The following ARHGAP42 variants were observed in gnomAD, a reference collection of about 807,000 sequenced individuals.
The protein encoded by ARHGAP42 is rho GTPase-activating protein 42.
ARHGAP42 carries 63 observed loss-of-function variants against 125.0 expected under a neutral mutation model. The ratio of observed to expected loss-of-function variants is 0.50; its 90% CI spans 0.41 to 0.62. The LOEUF is 0.62. Among genes scored for constraint, ARHGAP42 ranks in the 20% least tolerant of loss-of-function variants. The pLI, the probability that ARHGAP42 is intolerant of heterozygous loss-of-function variation, is 0.00. For missense variants in ARHGAP42, 766 were observed against 1,024.2 expected, an observed-to-expected ratio of 0.75 and a Z score of 3.44; for synonymous variants, 339 against 351.0, an observed-to-expected ratio of 0.97 and a Z score of 0.38.
At chr11:100,756,551 A>G (rs954704953) in intron 1 of ARHGAP42, among the ~76,000 whole-genome samples, 1 of 152,220 alleles carries the variant, frequency 6.6e-6, no homozygotes, top group African/African-American at 2.4e-5. Context: ...TGAAAACGGC[A>G]TATACATTTG....
rs1458832042 is a variant in ARHGAP42 at position 100,850,847 on chromosome 11, A to G, written c.313-8707A>G. 5.3e-5 allele frequency among the ~76,000 whole-genome samples: 8 copies of G among 150,912 alleles called. No individual in the cohort carries two copies. The East Asian group carries it at 1.5e-3, about 29-fold the overall frequency. Reference sequence around the variant, plus strand: ...GCACTGGTGACAGTTTTAGCTTCACAAGTCTATCTGGGAGATAGTAGCTTT... The same window carrying G: ...GCACTGGTGACAGTTTTAGCTTCACGAGTCTATCTGGGAGATAGTAGCTTT... On this transcript the variant is annotated intron_variant, in intron 3 of 23. Transcript: ENST00000298815.
At chr11:100,875,299 A>G (rs896135816) in intron 4 of ARHGAP42, among the ~76,000 whole-genome samples, 1 of 151,414 alleles carries the variant, frequency 6.6e-6, no homozygotes, top group South Asian at 2.1e-4. Flanking sequence ...AACGTACTGG[A>G]GTTAGTAACC....
chr11:100,733,645 G>A (rs1301769394), intron 1 of ARHGAP42, among the ~76,000 whole-genome samples: 1 of 151,798 alleles, frequency 6.6e-6, no homozygotes, highest in African/African-American at 2.4e-5. Flanking sequence ...CCAACATGGT[G>A]AAACCCCCAT....
intron 4 of ARHGAP42, among the ~76,000 whole-genome samples, chr11:100,875,105 C>CTG (rs1156397852): frequency 3.9e-4 from 19 of 49,292 alleles, no homozygotes; most frequent in African/African-American, 5.6e-4. Flanking sequence ...CTCTCTCTCT[C>CTG]TCTGTGTGTG....
intron 2 of ARHGAP42, among the ~76,000 whole-genome samples, chr11:100,790,665 A>T (rs943080940): frequency 7.9e-5 from 12 of 152,332 alleles, no homozygotes; most frequent in African/African-American, 2.9e-4. Context: ...TGTAGAGCAA[A>T]TAGATTGTGG....
At chr11:100,892,710 T>C (rs991630374) in intron 4 of ARHGAP42, among the ~76,000 whole-genome samples, 5 of 152,172 alleles carry the variant, frequency 3.3e-5, no homozygotes, top group African/African-American at 1.2e-4. Flanking sequence ...ATACATTAGC[T>C]ATTGAGTGCT....
In ARHGAP42 at chr11:100,836,382, T is replaced by C. The variant is rs992592426; in HGVS notation, c.313-23172T>C. 4.6e-5 allele frequency among the ~76,000 whole-genome samples: 7 copies of C among 152,178 alleles called. 1 individual carries two copies. The East Asian group carries it at 1.4e-3, about 29-fold the overall frequency. ...GAGCTTTTAAAGGTGGAACACAAAA[T>C]TTTCCATCATGAACAATCAGCCCTT... On this transcript the variant is annotated intron_variant, in intron 3 of 23. Transcript: ENST00000298815.
chr11:100,924,436 G>C lies in ARHGAP42; in HGVS notation c.597+2832G>C, dbSNP rs139410635. Among the ~76,000 whole-genome samples the C allele has an allele frequency of 7.1e-3, 1,085 of 152,102 alleles. 68 individuals carry two copies. In the East Asian group the frequency reaches 0.15, roughly 21 times the overall value. ...AATCCCAGCACTTTGGGAGGCCGAG[G>C]CGGGTGGATCGCTTGAGGTCAGGAG... On this transcript the variant is annotated intron_variant, in intron 6 of 23. Transcript: ENST00000298815.
At chr11:100,853,320 A>G (rs1865248178) in intron 3 of ARHGAP42, among the ~76,000 whole-genome samples, 1 of 152,314 alleles carries the variant, frequency 6.6e-6, no homozygotes, top group Middle Eastern at 3.4e-3. Context: ...ATGAAAAAGC[A>G]GTAATCAGGC....
At chr11:100,977,097 AC>A in intron 21 of ARHGAP42, 126 bp downstream of exon 21, 5 of 1,091,850 alleles carry the variant, frequency 4.6e-6, no homozygotes, top group Middle Eastern at 4.3e-4. Flanking sequence ...TAGAGTGGGT[AC>A]AGTCCACTTC....
At chr11:100,958,323 C>A (rs1461205572) in intron 12 of ARHGAP42, among the ~76,000 whole-genome samples, 1 of 152,044 alleles carries the variant, frequency 6.6e-6, no homozygotes, top group Non-Finnish European at 1.5e-5. Context: ...TCATTAGCTG[C>A]ACTCTGATGA....
intron 4 of ARHGAP42, among the ~76,000 whole-genome samples, chr11:100,863,089 A>AC (rs1865485678): frequency 6.6e-6 from 1 of 151,502 alleles, no homozygotes; most frequent in Non-Finnish European, 1.5e-5. Context: ...CACAACAACA[A>AC]AAAAAAGGCA....
intron 12 of ARHGAP42, among the ~76,000 whole-genome samples, chr11:100,951,764 A>G (rs1435686333): frequency 6.6e-6 from 1 of 152,190 alleles, no homozygotes; most frequent in Admixed American, 6.6e-5. Flanking sequence ...GCCTTCAATT[A>G]TAATTATAAA....
At chr11:100,844,901 A>G (rs550784851) in intron 3 of ARHGAP42, among the ~76,000 whole-genome samples, 2 of 152,224 alleles carry the variant, frequency 1.3e-5, no homozygotes, top group Non-Finnish European at 2.9e-5. Context: ...AAGAACTAAA[A>G]TAGAACTATC....
intron 1 of ARHGAP42, among the ~76,000 whole-genome samples, chr11:100,748,383 G>GTCCTGAAGGGAGGAAC (rs1414289391): frequency 2.6e-5 from 4 of 152,152 alleles, no homozygotes; most frequent in Non-Finnish European, 4.4e-5. Context: ...TCACCCGACT[G>GTCCTGAAGGGAGGAAC]TCCTGAAGGG....
intron 2 of ARHGAP42, among the ~76,000 whole-genome samples, chr11:100,779,016 G>A (rs1008259529): frequency 2.0e-5 from 3 of 152,054 alleles, no homozygotes; most frequent in African/African-American, 4.8e-5. Context: ...CTATTCCTTC[G>A]TAGTACTTTA....
chr11:100,778,495 ACT>A (rs1265362081), intron 2 of ARHGAP42, among the ~76,000 whole-genome samples: 2 of 152,188 alleles, frequency 1.3e-5, no homozygotes, highest in African/African-American at 4.8e-5. Flanking sequence ...TTTCTTTTTA[ACT>A]CTGCAGAGGA....
intron 1 of ARHGAP42, among the ~76,000 whole-genome samples, chr11:100,695,565 A>G (rs1332660397): frequency 1.3e-5 from 2 of 152,172 alleles, no homozygotes; most frequent in Non-Finnish European, 2.9e-5. Flanking sequence ...TCGGCCTCCC[A>G]AAGTGCTGTG....
chr11:100,984,329 G>A lies in ARHGAP42; in HGVS notation c.2457-3184G>A, dbSNP rs1314999547. On this transcript the variant is annotated intron_variant, in intron 22 of 23. Transcript: ENST00000298815. ...CTGCCTAATACTTCATTAGATTGGT[G>A]TGCTCTAATTTATTTTTAAGTTCTC... 1.4e-4 allele frequency among the ~76,000 whole-genome samples: 3 copies of A among 21,514 alleles called. No individual in the cohort carries two copies. The East Asian group carries it at 3.7e-3, about 26-fold the overall frequency. The allele number at this position is 21,514 out of a possible 152,430, so 14.1% of individuals were successfully genotyped here. A position where few individuals can be genotyped will look rare whatever the true frequency, so the allele number is the denominator to read the frequency against.
Sources: allele counts gnomAD v4.1 joint callset (sites outside exome capture counted in the v4.1 genomes callset), GRCh38; gene constraint gnomAD v4.1.1; transcripts MANE v1.5; gene names NCBI Gene and HGNC (gene_info 2026-07-23, HGNC 2026-07-21).